The following RIPOR2 variants were observed in gnomAD, a reference collection of about 807,000 sequenced individuals.
RIPOR2 encodes rho family-interacting cell polarization regulator 2.
Under a neutral mutation model 114.5 loss-of-function variants are expected in RIPOR2, and 39 were observed. That is an observed-to-expected ratio of 0.34 (90% CI 0.26 to 0.44). The LOEUF (loss-of-function observed/expected upper bound fraction) is 0.44. Among genes scored for constraint, RIPOR2 ranks in the 20% least tolerant of loss-of-function variants. The pLI is 1.00. For missense variants in RIPOR2, 1,007 were observed against 1,255.1 expected (o/e 0.80, Z 2.99); for synonymous variants, 445 against 484.4 (o/e 0.92, Z 1.07).
intron 11 of RIPOR2, among the ~76,000 whole-genome samples, chr6:24,848,414 C>T (rs1159069888): frequency 6.6e-6 from 1 of 152,230 alleles, no homozygotes; most frequent in Non-Finnish European, 1.5e-5. Context: ...CACTTAGATA[C>T]ACCCGTTCCT....
In RIPOR2 at chr6:24,840,233, C is replaced by T. The variant is rs1244632454; in HGVS notation, c.1858-961G>A. On this transcript the variant is annotated intron_variant, in intron 13 of 21. Coordinates refer to ENST00000643898, the MANE Select transcript of RIPOR2 (RefSeq NM_001286445.3). ...TGTTGGGATTACAGGCATGAGCCAC[C>T]GCACCTGCTCACAGCATATAATTTT... The T allele has an allele frequency of 1.4e-5, 14 of 1,002,770 alleles. No homozygotes were observed. In the Admixed American group the frequency reaches 3.4e-4, roughly 24 times the overall value. 62.1% of individuals were successfully genotyped at this position (1,002,770 alleles called of 1,614,324 possible).
At chr6:24,922,759 G>C (rs1247257587) in intron 1 of RIPOR2, among the ~76,000 whole-genome samples, 4 of 150,878 alleles carry the variant, frequency 2.7e-5, no homozygotes, top group Non-Finnish European at 5.9e-5. Flanking sequence ...ACTCCAGGAG[G>C]CTGAGGCACA....
chr6:24,976,825 C>A, intron 1 of RIPOR2: 2 of 1,610,930 alleles, frequency 1.2e-6, no homozygotes. Flanking sequence ...AGTTTTTCAT[C>A]TGCACTGCCA....
intron 1 of RIPOR2, among the ~76,000 whole-genome samples, chr6:25,008,021 T>G (rs548962323): frequency 1.3e-5 from 2 of 152,308 alleles, no homozygotes; most frequent in Non-Finnish European, 2.9e-5. Context: ...TGCCTTATTT[T>G]TATTTTTTAA....
chr6:24,979,913 G>A (rs1027575379), intron 1 of RIPOR2, among the ~76,000 whole-genome samples: 1 of 152,194 alleles, frequency 6.6e-6, no homozygotes, highest in Non-Finnish European at 1.5e-5. Context: ...AGTTATGTAA[G>A]TAAAGCATCA....
rs1761392277 is a variant in RIPOR2 at position 24,839,208 on chromosome 6, T to C, written c.1922A>G (p.Glu641Gly). ...AGAGGTGTTCAGGAAATCAAAGCTTTCTAAAGCACTTTCAACTGTGAGACT... is the reference window on the plus strand; with the variant it reads ...AGAGGTGTTCAGGAAATCAAAGCTTCCTAAAGCACTTTCAACTGTGAGACT... ...SLSLTVESAL[E>G]SFDFLNTSDF... is the part of the protein sequence containing the mutation. The change falls in exon 14 of 22, where the codon GAA becomes GGA. Residue 641 changes from glutamate to glycine, a missense_variant. Transcript: ENST00000643898. 3 of 1,551,724 alleles carry C rather than the reference T, an allele frequency of 1.9e-6. No individual in the cohort carries two copies. The highest frequency in any genetic ancestry group is 2.7e-5 in the African/African-American group (2 of 73,040).
At chr6:24,807,827 C>A (rs995615181) in intron 21 of RIPOR2, among the ~76,000 whole-genome samples, 1 of 152,176 alleles carries the variant, frequency 6.6e-6, no homozygotes, top group East Asian at 1.9e-4. Context: ...CCCGCAATGA[C>A]CTTCTGCCCT....
Position 24,897,044 on chromosome 6 carries a change from A to G in RIPOR2, c.62-21227T>C, listed in dbSNP as rs116554451. Among the ~76,000 whole-genome samples the G allele has an allele frequency of 2.1e-3, 316 of 152,296 alleles. 3 individuals are homozygous for G. The highest frequency in any genetic ancestry group is 6.4e-3 in the African/African-American group (268 of 41,566). ...GCTTTTCAGTGAAACCCTCCAGACA[A>G]TCAGCCGCTCTGAACATTTTCTTTT... On this transcript the variant is annotated intron_variant, in intron 1 of 21. Coordinates refer to ENST00000643898, the MANE Select transcript of RIPOR2 (RefSeq NM_001286445.3).
intron 17 of RIPOR2, among the ~76,000 whole-genome samples, chr6:24,828,734 G>A (rs1009577491): frequency 1.5e-4 from 22 of 151,700 alleles, no homozygotes; most frequent in African/African-American, 5.3e-4. Flanking sequence ...GTGTGTGTAG[G>A]AGAGAGATAA....
rs771570090 is a variant in RIPOR2, at chr6:24,842,849, A to G, written c.1857+13T>C. The G allele has an allele frequency of 8.5e-6, 12 of 1,407,996 alleles. No homozygotes were observed. Among genetic ancestry groups the G allele is most frequent in the Non-Finnish European group, 1.1e-5 (12 of 1,069,312 alleles). 87.2% of individuals were successfully genotyped at this position (1,407,996 alleles called of 1,614,324 possible). On this transcript the variant is annotated intron_variant, in intron 13 of 21. Transcript: ENST00000643898. Reference sequence around the variant, plus strand: ...CTCCAAACCTAATCCAATTTCTCTGAAAAGGTACTTACTTTTAGAATATCA... The same window carrying G: ...CTCCAAACCTAATCCAATTTCTCTGGAAAGGTACTTACTTTTAGAATATCA...
intron 1 of RIPOR2, among the ~76,000 whole-genome samples, chr6:24,982,302 A>G (rs1420829906): frequency 6.6e-6 from 1 of 152,256 alleles, no homozygotes; most frequent in Non-Finnish European, 1.5e-5. Context: ...TGGTTGTTCT[A>G]CTTCCAGGAT....
chr6:24,848,202 A>G, intron 11 of RIPOR2, 48 bp from the exon 12 acceptor site: 1 of 1,600,242 alleles, frequency 6.2e-7, no homozygotes, highest in East Asian at 2.2e-5. Context: ...AAAATCACCT[A>G]TCATCAACAG....
intron 1 of RIPOR2, among the ~76,000 whole-genome samples, chr6:24,907,294 TCTC>T (rs1484758560): frequency 2.6e-5 from 4 of 152,318 alleles, no homozygotes; most frequent in African/African-American, 9.6e-5. Flanking sequence ...AAAACATTCA[TCTC>T]CTCCACACAG....
At chr6:25,004,080 C>A (rs868347626) in intron 1 of RIPOR2, among the ~76,000 whole-genome samples, 2 of 152,144 alleles carry the variant, frequency 1.3e-5, no homozygotes, top group Non-Finnish European at 2.9e-5. Context: ...TAGAAACAAA[C>A]CAAGGGATAT....
At chr6:24,924,465 G>T (rs1770719234) in intron 1 of RIPOR2, among the ~76,000 whole-genome samples, 1 of 152,106 alleles carries the variant, frequency 6.6e-6, no homozygotes, top group Non-Finnish European at 1.5e-5. Flanking sequence ...TCTTTCACCT[G>T]ATTTACTGTT....
chr6:25,026,257 A>G (rs2113734846), intron 1 of RIPOR2, among the ~76,000 whole-genome samples: 1 of 152,286 alleles, frequency 6.6e-6, no homozygotes, highest in Non-Finnish European at 1.5e-5. Context: ...TCTTTGTTGT[A>G]TTTAGCTGTT....
At chr6:24,906,763 A>C (rs532121751) in intron 1 of RIPOR2, among the ~76,000 whole-genome samples, 1 of 152,250 alleles carries the variant, frequency 6.6e-6, no homozygotes, top group Admixed American at 6.5e-5. Context: ...CAGCTTCCAG[A>C]GTAGCTGAGA....
At chr6:25,036,934 G>A (rs890614852) in intron 1 of RIPOR2, among the ~76,000 whole-genome samples, 4 of 152,164 alleles carry the variant, frequency 2.6e-5, no homozygotes, top group Non-Finnish European at 5.9e-5. Context: ...GGCTGAGGAA[G>A]ATGGGGATGC....
intron 1 of RIPOR2, among the ~76,000 whole-genome samples, chr6:24,999,587 G>A (rs1242108423): frequency 6.4e-5 from 9 of 141,154 alleles, no homozygotes; most frequent in African/African-American, 2.1e-4. Flanking sequence ...ACAGAGTCTC[G>A]CTCTGTTCCC....
Sources: gnomAD v4.1 joint callset for allele counts (sites outside exome capture counted in the v4.1 genomes callset) on GRCh38, gnomAD v4.1.1 for gene constraint, MANE v1.5 for transcripts, NCBI Gene and HGNC (gene_info 2026-07-23, HGNC 2026-07-21) for gene names.